Variants in WNK1 observed in about 807,000 individuals in gnomAD.
WNK1 encodes the protein WNK lysine deficient protein kinase 1, also known as serine/threonine-protein kinase WNK1.
A neutral mutation model predicts 222.8 loss-of-function variants in WNK1; 38 were observed. The ratio of observed to expected loss-of-function variants is 0.17; its 90% CI spans 0.13 to 0.22. The LOEUF (loss-of-function observed/expected upper bound fraction) is 0.22, where lower values mean the gene tolerates loss of function less well. WNK1 is among the 10% of genes least tolerant of loss of function. WNK1 has a pLI of 1.00. For synonymous variants in WNK1, 1,090 were observed against 1,092.9 expected, an observed-to-expected ratio of 1.00 and a Z score of 0.05; for missense variants, 2,348 against 2,918.4, an observed-to-expected ratio of 0.80 and a Z score of 4.50.
chr12:825,866 T>G (rs1278311150), intron 2 of WNK1, among the ~76,000 whole-genome samples: 3 of 152,258 alleles, frequency 2.0e-5, no homozygotes, highest in Non-Finnish European at 4.4e-5. Flanking sequence ...CTTTTCTATT[T>G]AACATTTTTA....
intron 4 of WNK1, among the ~76,000 whole-genome samples, chr12:843,507 C>G (rs868555988): frequency 4.6e-5 from 7 of 152,272 alleles, no homozygotes; most frequent in Middle Eastern, 3.4e-3. Context: ...TTTTGCAAAT[C>G]TAATGTCTAG....
At chr12:789,738 A>G (rs554435264) in intron 1 of WNK1, among the ~76,000 whole-genome samples, 7 of 152,232 alleles carry the variant, frequency 4.6e-5, no homozygotes, top group Non-Finnish European at 7.4e-5. Context: ...GGATGTTTTT[A>G]TAATATTTCA....
At chr12:758,249 C>T (rs1047054758) in intron 1 of WNK1, among the ~76,000 whole-genome samples, 3 of 143,704 alleles carry the variant, frequency 2.1e-5, no homozygotes, top group Admixed American at 2.1e-4. Flanking sequence ...TTTTCTCTGT[C>T]TTTTATTAAG....
At chr12:832,886 A>G (rs1464620875) in intron 4 of WNK1, among the ~76,000 whole-genome samples, 1 of 152,240 alleles carries the variant, frequency 6.6e-6, no homozygotes, top group African/African-American at 2.4e-5. Context: ...TACCCTAATC[A>G]TTATTCTACA....
At chr12:854,657 T>A (rs537543896) in intron 4 of WNK1, among the ~76,000 whole-genome samples, 14 of 152,140 alleles carry the variant, frequency 9.2e-5, no homozygotes, top group African/African-American at 2.9e-4. Context: ...CAAGAACTTA[T>A]CTTTACAAAA....
chr12:833,876 A>G (rs1258387965), intron 4 of WNK1, among the ~76,000 whole-genome samples: 2 of 152,198 alleles, frequency 1.3e-5, no homozygotes, highest in Non-Finnish European at 2.9e-5. Context: ...CCAGAGCTTG[A>G]TACTAAGTAA....
At chr12:854,624 A>G (rs959404062) in intron 4 of WNK1, among the ~76,000 whole-genome samples, 1 of 152,140 alleles carries the variant, frequency 6.6e-6, no homozygotes, top group Non-Finnish European at 1.5e-5. Flanking sequence ...CTGGGATTAT[A>G]GGTGTGAGCC....
intron 1 of WNK1, among the ~76,000 whole-genome samples, chr12:777,104 T>C (rs1391820328): frequency 1.3e-5 from 2 of 152,142 alleles, no homozygotes; most frequent in Non-Finnish European, 2.9e-5. Flanking sequence ...ACTTTTCTTA[T>C]TGGATAAAAT....
intron 10 of WNK1, among the ~76,000 whole-genome samples, chr12:878,598 G>T (rs1443929839): frequency 6.6e-6 from 1 of 151,956 alleles, no homozygotes; most frequent in African/African-American, 2.4e-5. Flanking sequence ...ACAATCCAAA[G>T]TTTCACTTCT....
intron 1 of WNK1, among the ~76,000 whole-genome samples, chr12:766,095 T>G (rs1385106664): frequency 6.6e-6 from 1 of 151,994 alleles, no homozygotes; most frequent in East Asian, 1.9e-4. Flanking sequence ...ACAATAAGTG[T>G]AGGCTGGGGT....
At chr12:776,921 A>G (rs1326418632) in intron 1 of WNK1, among the ~76,000 whole-genome samples, 1 of 152,230 alleles carries the variant, frequency 6.6e-6, no homozygotes, top group African/African-American at 2.4e-5. Context: ...ATAACTGACT[A>G]GTGTTTACAA....
At position 792,282 on chromosome 12, in the gene WNK1, G is replaced by A. The variant is rs1208591935; in HGVS notation, c.760-21360G>A. ...TATGTATTAGTTCTGATTAATAAAT[G>A]TTTCAATTTTTATGATACTGTTATT... On this transcript the variant is annotated intron_variant, in intron 1 of 27. Coordinates refer to ENST00000315939, the MANE Select transcript of WNK1 (RefSeq NM_018979.4). Among the ~76,000 whole-genome samples, 11 of 141,012 alleles carry A rather than the reference G, an allele frequency of 7.8e-5. No individual in the cohort carries two copies. In the South Asian group the frequency reaches 1.4e-3, roughly 18 times the overall value. The allele number at this position is 141,012 out of a possible 152,430, so 92.5% of individuals were successfully genotyped here. A position where few individuals can be genotyped will look rare whatever the true frequency, so the allele number is the denominator to read the frequency against.
chr12:902,993 T>C (rs1226915634), intron 26 of WNK1, among the ~76,000 whole-genome samples: 4 of 152,240 alleles, frequency 2.6e-5, no homozygotes, highest in African/African-American at 7.2e-5. Context: ...TCACTGTTTC[T>C]GAGTATGGGT....
intron 4 of WNK1, among the ~76,000 whole-genome samples, chr12:848,846 A>AG (rs764942655): frequency 4.6e-5 from 7 of 152,192 alleles, no homozygotes; most frequent in Non-Finnish European, 1.0e-4. Context: ...TTTATAGAAA[A>AG]GGTTGCTCTT....
intron 1 of WNK1, among the ~76,000 whole-genome samples, chr12:773,312 A>C (rs755317378): frequency 6.6e-6 from 1 of 152,138 alleles, no homozygotes; most frequent in Non-Finnish European, 1.5e-5. Context: ...ACTAAGCTAT[A>C]GGGGGAAAAG....
chr12:788,404 C>T (rs1403174255), intron 1 of WNK1, among the ~76,000 whole-genome samples: 1 of 151,954 alleles, frequency 6.6e-6, no homozygotes, highest in East Asian at 1.9e-4. Context: ...CATAGTTATA[C>T]TCTGCTAACA....
rs1947096492 is a variant in WNK1, at chr12:813,678, AAAG to A, written c.803_805del (p.Glu268del). Reference sequence around the variant, plus strand: ...AACAAAGTCTGAGAGGCAGAGATTTAAAGAAGAAGCTGAAATGTTAAAAGGTCT... The same window carrying A: ...AACAAAGTCTGAGAGGCAGAGATTTAAAGAAGCTGAAATGTTAAAAGGTCT... On this transcript the variant is annotated inframe_deletion, in exon 2 of 28. Transcript: ENST00000315939. 6.2e-7 allele frequency: 1 copy of A among 1,613,780 alleles called. No individual in the cohort carries two copies. Among genetic ancestry groups the A allele is most frequent in the Admixed American group, 1.7e-5 (1 of 60,006 alleles).
intron 8 of WNK1, among the ~76,000 whole-genome samples, chr12:869,861 C>A (rs549637126): frequency 2.0e-5 from 3 of 151,462 alleles, no homozygotes; most frequent in Non-Finnish European, 2.9e-5. Flanking sequence ...AGCTAAGGAA[C>A]AGTAGACATC....
intron 4 of WNK1, among the ~76,000 whole-genome samples, chr12:848,909 C>G (rs1050503748): frequency 2.0e-5 from 3 of 152,098 alleles, no homozygotes; most frequent in Non-Finnish European, 2.9e-5. Context: ...CTCAAGCCCC[C>G]CAAAGCCCCC....
Sources: allele counts gnomAD v4.1 joint callset (sites outside exome capture counted in the v4.1 genomes callset), GRCh38; gene constraint gnomAD v4.1.1; transcripts MANE v1.5; gene names NCBI Gene and HGNC (gene_info 2026-07-23, HGNC 2026-07-21).